The following TVP23A variants were observed in gnomAD, a reference collection of about 807,000 sequenced individuals.
The protein encoded by TVP23A is Golgi apparatus membrane protein TVP23 homolog A.
A neutral mutation model predicts 31.7 loss-of-function variants in TVP23A; 21 were observed. The observed-to-expected ratio is 0.66, with a 90% CI of 0.47 to 0.95. TVP23A has a LOEUF of 0.95. Among genes scored for constraint, TVP23A ranks in the 40% least tolerant of loss-of-function variants. The probability of loss-of-function intolerance (pLI) is 0.00; values close to 1 mark genes in which losing one functional copy is unlikely to be tolerated. For missense variants in TVP23A, 279 were observed against 255.6 expected (o/e 1.09, Z -0.62); for synonymous variants, 104 against 96.0 (o/e 1.08, Z -0.49).
chr16:10,789,786 G>T (rs2032991560), intron 2 of TVP23A, among the ~76,000 whole-genome samples: 1 of 147,766 alleles, frequency 6.8e-6, no homozygotes, highest in Non-Finnish European at 1.5e-5. Flanking sequence ...AACTAAGATT[G>T]TGCCACTGCA....
chr16:10,784,293 C>T (rs544291498), intron 2 of TVP23A, among the ~76,000 whole-genome samples: 3 of 151,568 alleles, frequency 2.0e-5, no homozygotes, highest in Non-Finnish European at 2.9e-5. Context: ...CTCACCACTG[C>T]ACTCCCACCT....
In TVP23A at chr16:10,818,694, C is replaced by T; in HGVS notation, c.-201G>A. ...TCGGGGCCTAAGGCGCAGTCGCAGG[C>T]TGGGGAGGGGGCTCGGCTCGCCGGG... On this transcript the variant is annotated 5_prime_UTR_variant, in exon 1 of 8. Transcript: ENST00000299866. The surrounding 1 kb of genome is among the most constrained non-coding windows in gnomAD (Gnocchi z 4.7). 1.8e-6 allele frequency: 1 copy of T among 568,610 alleles called. No individual in the cohort carries two copies. Among genetic ancestry groups the T allele is most frequent in the Non-Finnish European group, 2.9e-6 (1 of 350,122 alleles). The allele number at this position is 568,610 out of a possible 1,614,324, so 35.2% of individuals were successfully genotyped here.
chr16:10,804,929 GT>G (rs776470614), intron 2 of TVP23A, among the ~76,000 whole-genome samples: 2 of 151,268 alleles, frequency 1.3e-5, no homozygotes, highest in Non-Finnish European at 2.9e-5. Flanking sequence ...CTCTTGGGCA[GT>G]TTCTCCCCAT....
At chr16:10,796,908 T>C (rs529113292) in intron 2 of TVP23A, among the ~76,000 whole-genome samples, 36 of 152,220 alleles carry the variant, frequency 2.4e-4, no homozygotes, top group South Asian at 6.2e-4. Context: ...ATTTTAAAGT[T>C]TAGAAAACTG....
intron 2 of TVP23A, among the ~76,000 whole-genome samples, chr16:10,792,700 T>C (rs1025581369): frequency 6.6e-6 from 1 of 152,262 alleles, no homozygotes; most frequent in Non-Finnish European, 1.5e-5. Flanking sequence ...CCATCTGGGC[T>C]GATCTGATTT....
At position 10,769,163 on chromosome 16, in the gene TVP23A, A is replaced by G. The variant is rs2031331829; in HGVS notation, c.*1-62T>C. On this transcript the variant is annotated intron_variant, in intron 7 of 7. Coordinates refer to ENST00000299866, the MANE Select transcript of TVP23A (RefSeq NM_001079512.4). Reference sequence around the variant, plus strand: ...GAGCGAGGCACTCACTGGGCAGCACATCCAGCCAGACCCGACCAGCTCCGG... The same window carrying G: ...GAGCGAGGCACTCACTGGGCAGCACGTCCAGCCAGACCCGACCAGCTCCGG... 40 of 1,544,394 alleles carry G rather than the reference A, an allele frequency of 2.6e-5. No homozygotes were observed. In the South Asian group the frequency reaches 4.5e-4, roughly 17 times the overall value.
At chr16:10,783,164 TA>T (rs2032527519) in intron 2 of TVP23A, among the ~76,000 whole-genome samples, 2 of 152,182 alleles carry the variant, frequency 1.3e-5, no homozygotes, top group African/African-American at 4.8e-5. Context: ...TACATGTGTG[TA>T]AAAATTCAGT....
chr16:10,784,219 C>T (rs1170457728), intron 2 of TVP23A, among the ~76,000 whole-genome samples: 1 of 151,688 alleles, frequency 6.6e-6, no homozygotes, highest in Non-Finnish European at 1.5e-5. Context: ...ATCCCAGCTA[C>T]TAGGGAGGAT....
At chr16:10,799,356 C>A (rs924818561) in intron 2 of TVP23A, among the ~76,000 whole-genome samples, 2 of 152,136 alleles carry the variant, frequency 1.3e-5, no homozygotes, top group East Asian at 1.9e-4. Context: ...TTGCTTGAGA[C>A]AGAGTCTCAC....
At chr16:10,772,393 G>A (rs900864666) in intron 5 of TVP23A, among the ~76,000 whole-genome samples, 14 of 151,434 alleles carry the variant, frequency 9.2e-5, no homozygotes, top group African/African-American at 1.7e-4. Flanking sequence ...TTTTTAAGAC[G>A]GAGCCTCACT....
intron 4 of TVP23A, 28 bp downstream of exon 4, chr16:10,774,011 G>GAACCC: frequency 1.3e-6 from 2 of 1,568,112 alleles, no homozygotes; most frequent in Non-Finnish European, 1.7e-6. Flanking sequence ...TCCCCGCTCT[G>GAACCC]GTTAGTTCAG....
At chr16:10,783,802 A>G (rs1480264023) in intron 2 of TVP23A, among the ~76,000 whole-genome samples, 1 of 152,192 alleles carries the variant, frequency 6.6e-6, no homozygotes, top group Non-Finnish European at 1.5e-5. Context: ...AGGAACCTTA[A>G]ATGTGTATTG....
intron 7 of TVP23A, 127 bp downstream of exon 7, chr16:10,770,145 G>C: frequency 8.5e-7 from 1 of 1,177,590 alleles, no homozygotes; most frequent in Middle Eastern, 2.8e-4. Flanking sequence ...CTTCCTGCCT[G>C]GTCACATGCC....
At chr16:10,765,552 T>C (rs923863666), downstream of TVP23A, among the ~76,000 whole-genome samples, 3 of 152,124 alleles carry the variant, frequency 2.0e-5, no homozygotes, top group East Asian at 5.8e-4. The surrounding 1 kb of genome is among the most constrained non-coding windows in gnomAD (Gnocchi z 4.0). Flanking sequence ...CACCCAAATA[T>C]GTCCACGGGC....
chr16:10,787,560 C>T (rs1010311780), intron 2 of TVP23A, among the ~76,000 whole-genome samples: 2 of 152,098 alleles, frequency 1.3e-5, no homozygotes, highest in African/African-American at 4.8e-5. Flanking sequence ...GGGGGGCAGC[C>T]TTCCGTGAGC....
At position 10,772,789 on chromosome 16, in the gene TVP23A, G is replaced by T. The variant is rs1465755927; in HGVS notation, c.453+524C>A. On this transcript the variant is annotated intron_variant, in intron 5 of 7. Transcript: ENST00000299866. ...GGAAGCAATGTCAAAAGGGCGCAAG[G>T]CTTCTTCCGGTGATGAAAATTTCCT... Among the ~76,000 whole-genome samples, 5 of 151,812 alleles carry T rather than the reference G, an allele frequency of 3.3e-5. No individual in the cohort carries two copies. In the East Asian group the frequency reaches 5.8e-4, roughly 18 times the overall value.
At position 10,777,536 on chromosome 16, in the gene TVP23A, T is replaced by C. The variant is rs972112746; in HGVS notation, c.90-2440A>G. On this transcript the variant is annotated intron_variant, in intron 2 of 7. Transcript: ENST00000299866. The surrounding 1 kb of genome is among the most constrained non-coding windows in gnomAD (Gnocchi z 4.5). ...AACAAACCACAGGTGCCTCTACAAC[T>C]GTGGGGCTTCCGACTCCCAGGGGAA... 7.2e-5 allele frequency among the ~76,000 whole-genome samples: 11 copies of C among 152,088 alleles called. No homozygotes were observed. Among genetic ancestry groups the C allele is most frequent in the Admixed American group, 4.6e-4 (7 of 15,274 alleles).
intron 2 of TVP23A, among the ~76,000 whole-genome samples, chr16:10,812,137 T>C (rs1447126581): frequency 2.0e-5 from 3 of 151,952 alleles, no homozygotes; most frequent in Non-Finnish European, 2.9e-5. Flanking sequence ...AGTGGACACA[T>C]AGCACATGAA....
chr16:10,815,361 G>A (rs550346594), intron 2 of TVP23A, among the ~76,000 whole-genome samples: 18 of 152,172 alleles, frequency 1.2e-4, no homozygotes, highest in Non-Finnish European at 1.9e-4. Context: ...GTAGTGAGCC[G>A]AGATTGCACC....
Sources: gnomAD v4.1 joint callset for allele counts (sites outside exome capture counted in the v4.1 genomes callset) on GRCh38, gnomAD v4.1.1 for gene constraint, Gnocchi (gnomAD v3.1) non-coding constraint, MANE v1.5 for transcripts, NCBI Gene and HGNC (gene_info 2026-07-23, HGNC 2026-07-21) for gene names.